The following SAMD5 variants were observed in gnomAD, a reference collection of about 807,000 sequenced individuals.
The protein encoded by SAMD5 is sterile alpha motif domain containing 5.
SAMD5 carries 13 observed loss-of-function variants against 11.3 expected under a neutral mutation model. The ratio of observed to expected loss-of-function variants is 1.15; its 90% CI spans 0.75 to 1.83. SAMD5 has a LOEUF of 1.83. Among genes scored for constraint, SAMD5 ranks in the 40% most tolerant of loss-of-function variants. The pLI is 0.00. For missense variants in SAMD5, 255 were observed against 239.1 expected (o/e 1.07, Z -0.44); for synonymous variants, 129 against 111.3 (o/e 1.16, Z -1.00).
chr6:147,864,228 T>C, the SAMD5 span, among the ~76,000 whole-genome samples: 1 of 152,192 alleles, frequency 6.6e-6, no homozygotes, highest in Admixed American at 6.5e-5. Context: ...GAAAATGTTC[T>C]GTTTGTGTTT....
chr6:147,751,274 T>C, the SAMD5 span, among the ~76,000 whole-genome samples: 1 of 152,240 alleles, frequency 6.6e-6, no homozygotes, highest in Non-Finnish European at 1.5e-5. Context: ...CCACCCTCTT[T>C]CCTTGCTCTT....
chr6:147,858,251 A>G, the SAMD5 span, among the ~76,000 whole-genome samples: 3 of 152,148 alleles, frequency 2.0e-5, no homozygotes, highest in African/African-American at 7.2e-5. Context: ...GTCAGTTAGC[A>G]GCACTTTGTT....
At chr6:147,945,998 C>T in the SAMD5 span, among the ~76,000 whole-genome samples, 3 of 152,138 alleles carry the variant, frequency 2.0e-5, no homozygotes, top group African/African-American at 7.2e-5. Context: ...CCCTAGGCTG[C>T]TTTTTCAGCT....
intron 1 of SAMD5, among the ~76,000 whole-genome samples, chr6:147,563,745 C>T (rs1182034093): frequency 6.6e-6 from 1 of 152,310 alleles, no homozygotes; most frequent in South Asian, 2.1e-4. Context: ...ATGGCAAAGA[C>T]CACACAGCAA....
intron 1 of SAMD5, among the ~76,000 whole-genome samples, chr6:147,643,772 G>A (rs1372944054): frequency 6.8e-6 from 1 of 147,458 alleles, no homozygotes; most frequent in Admixed American, 6.8e-5. Context: ...AAGGAAGGAA[G>A]GAAGGAAGGA....
chr6:147,680,150 CAAT>C (rs139632486), intron 1 of SAMD5, among the ~76,000 whole-genome samples: 17,416 of 152,064 alleles, frequency 0.11, 1,078 homozygotes, highest in Middle Eastern at 0.16. Context: ...GAATTAATGA[CAAT>C]GATGAGTCTT....
At chr6:147,533,013 T>A (rs1029942195) in intron 1 of SAMD5, among the ~76,000 whole-genome samples, 1 of 152,074 alleles carries the variant, frequency 6.6e-6, no homozygotes, top group Non-Finnish European at 1.5e-5. Context: ...GGTGGTGTTT[T>A]ACCTCCTGTG....
At chr6:147,627,709 T>C (rs1790080204) in intron 1 of SAMD5, among the ~76,000 whole-genome samples, 1 of 152,208 alleles carries the variant, frequency 6.6e-6, no homozygotes, top group African/African-American at 2.4e-5. Flanking sequence ...GTCTAGATTT[T>C]TGCAGTGCTC....
the SAMD5 span, among the ~76,000 whole-genome samples, chr6:147,751,691 C>T: frequency 3.3e-5 from 5 of 152,190 alleles, no homozygotes; most frequent in Admixed American, 6.5e-5. Flanking sequence ...AACCAGATGA[C>T]ACTAATCACA....
intron 1 of SAMD5, among the ~76,000 whole-genome samples, chr6:147,540,300 G>T (rs370747888): frequency 6.6e-6 from 1 of 152,146 alleles, no homozygotes; most frequent in Non-Finnish European, 1.5e-5. Context: ...CTACTGAGTC[G>T]GAGAGCAGTG....
chr6:147,924,129 A>G, the SAMD5 span, among the ~76,000 whole-genome samples: 85 of 151,930 alleles, frequency 5.6e-4, no homozygotes, highest in African/African-American at 1.9e-3. Flanking sequence ...ATATATGGGG[A>G]TGGGGTGGGG....
chr6:147,568,912 GA>G lies in SAMD5; in HGVS notation c.*4465del, dbSNP rs201712616. On this transcript the variant is annotated 3_prime_UTR_variant, in exon 2 of 2. Coordinates refer to ENST00000367474, the MANE Select transcript of SAMD5 (RefSeq NM_001030060.3). ...GATATTTCCATAAAAGGCTTAAAGG[GA>G]AAAAAAAATGGTAGGTAGTTCAGAA... is the stretch of plus-strand genomic sequence containing the variant. 2.2e-4 allele frequency: 217 copies of G among 964,988 alleles called. No individual in the cohort carries two copies. Among genetic ancestry groups the G allele is most frequent in the African/African-American group, 1.2e-3 (65 of 56,340 alleles). 59.8% of individuals were successfully genotyped at this position (964,988 alleles called of 1,614,324 possible).
chr6:147,557,451 T>C (rs1486959292), intron 1 of SAMD5, among the ~76,000 whole-genome samples: 1 of 152,168 alleles, frequency 6.6e-6, no homozygotes, highest in Non-Finnish European at 1.5e-5. Flanking sequence ...CTCCAGAGCC[T>C]CTAGGGGAGA....
intron 1 of SAMD5, among the ~76,000 whole-genome samples, chr6:147,550,563 C>A (rs1379976132): frequency 6.6e-6 from 1 of 152,044 alleles, no homozygotes; most frequent in Non-Finnish European, 1.5e-5. Flanking sequence ...AATGGAATAC[C>A]ATTCGGCCAT....
chr6:147,655,872 A>G (rs1157322104), intron 1 of SAMD5, among the ~76,000 whole-genome samples: 2 of 152,232 alleles, frequency 1.3e-5, no homozygotes, highest in Non-Finnish European at 2.9e-5. Flanking sequence ...GTGTAAAAGC[A>G]TTAGATAAAA....
At chr6:147,900,723 G>A in the SAMD5 span, among the ~76,000 whole-genome samples, 22 of 152,146 alleles carry the variant, frequency 1.4e-4, no homozygotes, top group African/African-American at 5.1e-4. Flanking sequence ...AACACAGCAG[G>A]CCATCCTATT....
the SAMD5 span, among the ~76,000 whole-genome samples, chr6:147,862,113 G>T: frequency 3.3e-5 from 5 of 151,922 alleles, no homozygotes; most frequent in South Asian, 6.2e-4. Flanking sequence ...CACCATACGC[G>T]ATTGACAAAT....
At chr6:147,716,944 C>T (rs913358269) in intron 1 of SAMD5, among the ~76,000 whole-genome samples, 2 of 152,216 alleles carry the variant, frequency 1.3e-5, no homozygotes, top group Admixed American at 6.5e-5. Context: ...ACTTATGACA[C>T]GTTCTTACTC....
chr6:147,884,230 T>A, the SAMD5 span, among the ~76,000 whole-genome samples: 1 of 152,088 alleles, frequency 6.6e-6, no homozygotes, highest in Admixed American at 6.6e-5. Context: ...AGGGTACCAT[T>A]CTCTAGGGAG....
Sources: allele counts gnomAD v4.1 joint callset (sites outside exome capture counted in the v4.1 genomes callset), GRCh38; gene constraint gnomAD v4.1.1; transcripts MANE v1.5; gene names NCBI Gene and HGNC (gene_info 2026-07-23, HGNC 2026-07-21).